The following TM9SF3 variants were observed in gnomAD, a reference collection of about 807,000 sequenced individuals.
TM9SF3 encodes SM-11044-binding protein.
A neutral mutation model predicts 78.6 loss-of-function variants in TM9SF3; 14 were observed. The observed-to-expected ratio is 0.18, with a 90% CI of 0.12 to 0.28. The LOEUF is 0.28. TM9SF3 is among the 10% of genes least tolerant of loss of function. TM9SF3 has a pLI of 1.00. For missense variants in TM9SF3, 496 were observed against 721.9 expected, an observed-to-expected ratio of 0.69 and a Z score of 3.59; for synonymous variants, 231 against 241.7, an observed-to-expected ratio of 0.96 and a Z score of 0.41.
At chr10:96,522,384 T>C (rs1400908569) in intron 14 of TM9SF3, 54 bp from the exon 15 acceptor site, 2 of 1,410,336 alleles carry the variant, frequency 1.4e-6, no homozygotes, top group Non-Finnish European at 1.9e-6. Flanking sequence ...GCAGTATCCA[T>C]CATTTAAAAA....
intron 1 of TM9SF3, chr10:96,577,537 G>A (rs1378456768): frequency 6.6e-6 from 1 of 152,162 alleles, no homozygotes; most frequent in Non-Finnish European, 1.5e-5. Context: ...GTACAAGTGG[G>A]AGGCCTGTCA....
chr10:96,552,875 A>G, intron 6 of TM9SF3, 53 bp downstream of exon 6: 2 of 1,422,796 alleles, frequency 1.4e-6, no homozygotes, highest in Non-Finnish European at 1.8e-6. Flanking sequence ...AACATTTAAA[A>G]CTTAACACTC....
intron 1 of TM9SF3, among the ~76,000 whole-genome samples, chr10:96,585,559 C>G (rs774191052): frequency 6.6e-6 from 1 of 152,076 alleles, no homozygotes; most frequent in Non-Finnish European, 1.5e-5. Flanking sequence ...TGGCTGTGAC[C>G]GAAGGTAGAA....
Position 96,560,487 on chromosome 10 carries a change from T to C in TM9SF3, c.583-751A>G, listed in dbSNP as rs1419854728. ...AATCACACCACCAGTGCTTTTATGG[T>C]TGAAGTGTGGTTCAGGGCCAGTGTA... On this transcript the variant is annotated intron_variant, in intron 4 of 14. Coordinates refer to ENST00000371142, the MANE Select transcript of TM9SF3 (RefSeq NM_020123.4). 5.3e-6 allele frequency: 4 copies of C among 752,170 alleles called. No individual in the cohort carries two copies. The East Asian group carries it at 1.1e-4, about 20-fold the overall frequency. The allele number at this position is 752,170 out of a possible 1,614,324, so 46.6% of individuals were successfully genotyped here.
Position 96,522,007 on chromosome 10 carries a change from A to G in TM9SF3, c.*256T>C. 1 of 416,770 alleles carries G rather than the reference A, an allele frequency of 2.4e-6. No individual in the cohort carries two copies. The highest frequency in any genetic ancestry group is 4.2e-6 in the Non-Finnish European group (1 of 235,522). The allele number at this position is 416,770 out of a possible 1,614,324, so 25.8% of individuals were successfully genotyped here. A position where few individuals can be genotyped will look rare whatever the true frequency, so the allele number is the denominator to read the frequency against. On this transcript the variant is annotated 3_prime_UTR_variant, in exon 15 of 15. Coordinates refer to ENST00000371142, the MANE Select transcript of TM9SF3 (RefSeq NM_020123.4). The stretch of plus-strand genomic sequence containing the variant: ...CATCTTTAATGAGCTAGTTTTTGGG[A>G]AGATTAGCCATGTACTGTAGTAATG...
rs186792337 is a variant in TM9SF3, at chr10:96,529,129, G to C, written c.1395-952C>G. Reference sequence around the variant, plus strand: ...AAGTCACAGGTCAAGTCTGAATAAAGGCACAAAGCATTGTCAGACTGGAAC... The same window carrying C: ...AAGTCACAGGTCAAGTCTGAATAAACGCACAAAGCATTGTCAGACTGGAAC... On this transcript the variant is annotated intron_variant, in intron 11 of 14. Coordinates refer to ENST00000371142, the MANE Select transcript of TM9SF3 (RefSeq NM_020123.4). Among the ~76,000 whole-genome samples, 11 of 152,222 alleles carry C rather than the reference G, an allele frequency of 7.2e-5. No homozygotes were observed. The East Asian group carries it at 1.7e-3, about 24-fold the overall frequency.
chr10:96,578,654 C>T (rs139943400), intron 1 of TM9SF3, among the ~76,000 whole-genome samples: 69 of 152,316 alleles, frequency 4.5e-4, no homozygotes, highest in African/African-American at 1.7e-3. Flanking sequence ...CCATCCAATG[C>T]TCATGGGCCA....
chr10:96,549,817 T>TAAAAAA (rs35197761), intron 7 of TM9SF3, among the ~76,000 whole-genome samples: 4 of 140,448 alleles, frequency 2.8e-5, no homozygotes, highest in African/African-American at 1.1e-4. Flanking sequence ...TTCTGCATTT[T>TAAAAAA]AAAAAAAAAA....
At position 96,520,588 on chromosome 10, in the gene TM9SF3, C is replaced by G. The variant is rs951467275; in HGVS notation, c.*1675G>C. Reference sequence around the variant, plus strand: ...AAGTATTGTTTTAGGTGGTCATTTGCATAGCAAACTATTAAACTAGAAACT... The same window carrying G: ...AAGTATTGTTTTAGGTGGTCATTTGGATAGCAAACTATTAAACTAGAAACT... On this transcript the variant is annotated 3_prime_UTR_variant, in exon 15 of 15. Transcript: ENST00000371142. 6.9e-6 allele frequency: 2 copies of G among 290,922 alleles called. No homozygotes were observed. The highest frequency in any genetic ancestry group is 4.6e-5 in the African/African-American group (2 of 43,666). The allele number at this position is 290,922 out of a possible 1,614,324, so 18.0% of individuals were successfully genotyped here.
At position 96,534,382 on chromosome 10, in the gene TM9SF3, C is replaced by T. The variant is rs373497438; in HGVS notation, c.1186-1192G>A. Among the ~76,000 whole-genome samples the T allele has an allele frequency of 5.9e-5, 9 of 152,192 alleles. No individual in the cohort carries two copies. In the South Asian group the frequency reaches 6.2e-4, roughly 11 times the overall value. On this transcript the variant is annotated intron_variant, in intron 9 of 14. Transcript: ENST00000371142. Reference sequence around the variant, plus strand: ...ATGAATTTATGCTCATATTAAAATACGTGAAATGTGAAAAATAAGCAGGTG... The same window carrying T: ...ATGAATTTATGCTCATATTAAAATATGTGAAATGTGAAAAATAAGCAGGTG...
intron 2 of TM9SF3, among the ~76,000 whole-genome samples, chr10:96,566,562 A>G (rs986466652): frequency 6.6e-6 from 1 of 152,204 alleles, no homozygotes; most frequent in African/African-American, 2.4e-5. Flanking sequence ...TCAGGGAAAT[A>G]CCTTCTTACC....
chr10:96,547,673 G>C (rs961509751), intron 8 of TM9SF3, among the ~76,000 whole-genome samples: 1 of 152,128 alleles, frequency 6.6e-6, no homozygotes. Context: ...CACAAAATTA[G>C]CTGGGCATGG....
chr10:96,576,873 C>T (rs1232236042), intron 1 of TM9SF3, 44 bp from the exon 2 acceptor site: 1 of 1,329,160 alleles, frequency 7.5e-7, no homozygotes. Context: ...AAAAAACACA[C>T]TAATTCAAAT....
intron 8 of TM9SF3, among the ~76,000 whole-genome samples, chr10:96,547,468 G>T (rs1292115770): frequency 1.3e-5 from 2 of 152,166 alleles, no homozygotes; most frequent in Non-Finnish European, 2.9e-5. Context: ...TTCCACAAAA[G>T]CAAGACAGAA....
rs879651487 is a variant in TM9SF3, at chr10:96,520,711, CA to C, written c.*1551del. 1 of 391,278 alleles carries C rather than the reference CA, an allele frequency of 2.6e-6. No individual in the cohort carries two copies. Among genetic ancestry groups the C allele is most frequent in the Non-Finnish European group, 4.5e-6 (1 of 221,186 alleles). 24.2% of individuals were successfully genotyped at this position (391,278 alleles called of 1,614,324 possible). A position where few individuals can be genotyped will look rare whatever the true frequency, so the allele number is the denominator to read the frequency against. ...CTGTAACCTTTATTTGTTGATCCAACAGTACGTTAACCACTTTTACCCCATC... is the reference window on the plus strand; with the variant it reads ...CTGTAACCTTTATTTGTTGATCCAACGTACGTTAACCACTTTTACCCCATC... On this transcript the variant is annotated 3_prime_UTR_variant, in exon 15 of 15. Transcript: ENST00000371142.
intron 1 of TM9SF3, 57 bp downstream of exon 1, chr10:96,586,677 C>T (rs1848635700): frequency 2.5e-6 from 3 of 1,202,590 alleles, no homozygotes; most frequent in Non-Finnish European, 3.1e-6. Flanking sequence ...TGGGGCCTGC[C>T]TCAGTGGGCA....
At chr10:96,564,990 G>A (rs1848352726) in intron 3 of TM9SF3, among the ~76,000 whole-genome samples, 1 of 151,854 alleles carries the variant, frequency 6.6e-6, no homozygotes, top group Admixed American at 6.6e-5. Flanking sequence ...GTATTTAAAA[G>A]AACAAATTAA....
intron 6 of TM9SF3, among the ~76,000 whole-genome samples, chr10:96,552,224 G>A (rs561853594): frequency 6.6e-6 from 1 of 152,302 alleles, no homozygotes; most frequent in Admixed American, 6.5e-5. Context: ...GGCCAAGGCA[G>A]GAAGATCGTT....
chr10:96,563,371 A>G (rs1848332647), intron 3 of TM9SF3, among the ~76,000 whole-genome samples: 1 of 151,430 alleles, frequency 6.6e-6, no homozygotes, highest in South Asian at 2.1e-4. Context: ...TCCTTCTAAT[A>G]ATTAATTTTT....
Sources: gnomAD v4.1 joint callset for allele counts (sites outside exome capture counted in the v4.1 genomes callset) on GRCh38, gnomAD v4.1.1 for gene constraint, MANE v1.5 for transcripts, NCBI Gene and HGNC (gene_info 2026-07-23, HGNC 2026-07-21) for gene names.